Variants in SGCZ observed in about 807,000 individuals in gnomAD.
The protein encoded by SGCZ is zeta-sarcoglycan.
SGCZ carries 40 observed loss-of-function variants against 41.3 expected under a neutral mutation model. The ratio of observed to expected loss-of-function variants is 0.97; its 90% CI spans 0.75 to 1.26. The LOEUF is 1.26. SGCZ is among the 50% of genes most tolerant of loss of function. The pLI is 0.00. For synonymous variants in SGCZ, 206 were observed against 137.5 expected, an observed-to-expected ratio of 1.50 and a Z score of -3.49; for missense variants, 552 against 369.8, an observed-to-expected ratio of 1.49 and a Z score of -4.04.
intron 1 of SGCZ, among the ~76,000 whole-genome samples, chr8:14,846,948 T>G (rs1031017532): frequency 1.3e-5 from 2 of 152,018 alleles, no homozygotes; most frequent in African/African-American, 4.8e-5. Flanking sequence ...GGCACATGCC[T>G]GTAATCCCAG....
chr8:14,436,808 C>G (rs1034027791), intron 2 of SGCZ, among the ~76,000 whole-genome samples: 3 of 152,154 alleles, frequency 2.0e-5, no homozygotes, highest in Admixed American at 1.3e-4. Flanking sequence ...AGGAAAAGCA[C>G]TTGTGTGATT....
At chr8:15,168,212 G>A (rs1407450851) in intron 1 of SGCZ, among the ~76,000 whole-genome samples, 1 of 152,082 alleles carries the variant, frequency 6.6e-6, no homozygotes, top group Non-Finnish European at 1.5e-5. Flanking sequence ...CAGAGCCCTA[G>A]GAAGGAAAAC....
chr8:14,831,625 GAC>G (rs1245183592), intron 1 of SGCZ, among the ~76,000 whole-genome samples: 1 of 135,106 alleles, frequency 7.4e-6, no homozygotes, highest in East Asian at 2.3e-4. Flanking sequence ...TGTACACATA[GAC>G]ACATATGTGT....
intron 1 of SGCZ, among the ~76,000 whole-genome samples, chr8:14,958,511 T>G (rs1800864167): frequency 6.6e-6 from 1 of 151,844 alleles, no homozygotes; most frequent in Admixed American, 6.6e-5. Context: ...CATTTAGAAC[T>G]TACAGAACAG....
intron 1 of SGCZ, among the ~76,000 whole-genome samples, chr8:14,567,623 C>G (rs185317378): frequency 6.6e-6 from 1 of 152,272 alleles, no homozygotes; most frequent in Admixed American, 6.5e-5. Context: ...TGGCAACCAG[C>G]TGGGGTCCCC....
intron 1 of SGCZ, among the ~76,000 whole-genome samples, chr8:14,834,602 G>A (rs1041212344): frequency 6.6e-6 from 1 of 152,154 alleles, no homozygotes; most frequent in South Asian, 2.1e-4. Flanking sequence ...GAAAAGGAGA[G>A]AAACTGAAAA....
intron 3 of SGCZ, among the ~76,000 whole-genome samples, chr8:14,318,200 G>T (rs565325569): frequency 6.6e-6 from 1 of 151,640 alleles, no homozygotes; most frequent in East Asian, 1.9e-4. Flanking sequence ...GAGGAAAGGC[G>T]GGAAAGGGGG....
intron 1 of SGCZ, among the ~76,000 whole-genome samples, chr8:15,188,049 A>T (rs946817996): frequency 6.6e-6 from 1 of 152,038 alleles, no homozygotes; most frequent in Non-Finnish European, 1.5e-5. Flanking sequence ...TTATGGACAC[A>T]TATATTAATG....
intron 2 of SGCZ, among the ~76,000 whole-genome samples, chr8:14,488,737 T>A (rs924067732): frequency 2.1e-5 from 3 of 139,578 alleles, no homozygotes; most frequent in Non-Finnish European, 3.1e-5. Flanking sequence ...CCCTCGCTAA[T>A]GCAAACTCTC....
intron 1 of SGCZ, among the ~76,000 whole-genome samples, chr8:15,193,017 T>C (rs1473267771): frequency 6.6e-6 from 1 of 152,106 alleles, no homozygotes; most frequent in Non-Finnish European, 1.5e-5. Context: ...TGACCACTAC[T>C]GAAGTTTTAC....
chr8:15,181,941 C>G (rs570827512), intron 1 of SGCZ, among the ~76,000 whole-genome samples: 1 of 152,190 alleles, frequency 6.6e-6, no homozygotes, highest in Admixed American at 6.5e-5. Context: ...ATTTTTGAAC[C>G]TGTGTTACAT....
At chr8:14,628,484 A>T (rs956329525) in intron 1 of SGCZ, among the ~76,000 whole-genome samples, 2 of 152,040 alleles carry the variant, frequency 1.3e-5, no homozygotes, top group Non-Finnish European at 2.9e-5. Flanking sequence ...AAATTTGCAA[A>T]AGTAATCATC....
At chr8:14,975,809 ATGTGTG>A (rs66667974) in intron 1 of SGCZ, among the ~76,000 whole-genome samples, 4 of 131,916 alleles carry the variant, frequency 3.0e-5, no homozygotes, top group African/African-American at 6.8e-5. Context: ...ATATATATAT[ATGTGTG>A]TGTGTGTGTA....
At chr8:14,829,593 T>G (rs1194920943) in intron 1 of SGCZ, among the ~76,000 whole-genome samples, 1 of 152,132 alleles carries the variant, frequency 6.6e-6, no homozygotes, top group Non-Finnish European at 1.5e-5. Context: ...GATTCCTAAG[T>G]GCCTTAAACT....
intron 2 of SGCZ, among the ~76,000 whole-genome samples, chr8:14,342,894 T>C (rs544604201): frequency 6.6e-6 from 1 of 152,258 alleles, no homozygotes; most frequent in African/African-American, 2.4e-5. Flanking sequence ...TTCACAGGCC[T>C]GGAGGCCCAG....
At chr8:14,313,902 T>A (rs1161785895) in intron 3 of SGCZ, among the ~76,000 whole-genome samples, 2 of 133,852 alleles carry the variant, frequency 1.5e-5, no homozygotes, top group Non-Finnish European at 3.2e-5. Flanking sequence ...TAGGGTTATA[T>A]CATCTCTCTG....
chr8:14,522,017 A>G (rs1485824014), intron 2 of SGCZ, among the ~76,000 whole-genome samples: 1 of 152,110 alleles, frequency 6.6e-6, no homozygotes, highest in Non-Finnish European at 1.5e-5. Flanking sequence ...TCTTTCACAA[A>G]TATGATCAAG....
In SGCZ at chr8:15,237,519, G is replaced by A. The variant is rs1008099387; in HGVS notation, c.39+66C>T. On this transcript the variant is annotated intron_variant, in intron 1 of 7. Transcript: ENST00000382080. ...ACTCCGCGCCGCTGGAGGAGCCGCG[G>A]GAAGGAGAGGGGAGAGCAGGGAGCG... is the stretch of plus-strand genomic sequence containing the variant. The A allele has an allele frequency of 1.2e-5, 19 of 1,540,810 alleles. No homozygotes were observed. The African/African-American group carries it at 2.2e-4, about 18-fold the overall frequency.
intron 1 of SGCZ, among the ~76,000 whole-genome samples, chr8:14,963,614 C>T (rs1219020464): frequency 1.3e-5 from 2 of 152,272 alleles, no homozygotes; most frequent in African/African-American, 4.8e-5. Context: ...TCTCAAAGTG[C>T]TAGGATTACG....
Sources: allele counts gnomAD v4.1 joint callset (sites outside exome capture counted in the v4.1 genomes callset), GRCh38; gene constraint gnomAD v4.1.1; transcripts MANE v1.5; gene names NCBI Gene and HGNC (gene_info 2026-07-23, HGNC 2026-07-21).